Variants in RBMX2 observed in about 807,000 individuals in gnomAD.
RBMX2 encodes the protein RNA binding motif protein X-linked 2, also known as RNA-binding motif protein, X-linked 2.
For synonymous variants in RBMX2, 77 were observed against 94.3 expected (o/e 0.82, Z 1.07); for missense variants, 191 against 256.0 (o/e 0.75, Z 1.73).
At position 130,411,523 on chromosome X, in the gene RBMX2, A is replaced by G. The variant is rs1238511676; in HGVS notation, c.479A>G (p.Lys160Arg). ...EDEKPTKKHKKDKKEKKKKKK... is the reference protein window; with the variant it reads ...EDEKPTKKHKRDKKEKKKKKK... ...GAAAAACCAACAAAAAAGCACAAAAAAGGTAAAGCATTAAGACTTAAGAGA... is the reference window on the plus strand; with the variant it reads ...GAAAAACCAACAAAAAAGCACAAAAGAGGTAAAGCATTAAGACTTAAGAGA... The change falls in exon 5 of 6, where the codon AAA (lysine) becomes AGA (arginine). Residue 160 changes from lysine to arginine, a missense_variant and splice_region_variant. Physicochemically the swap from Lys to Arg is conservative, Grantham distance 26. Coordinates refer to ENST00000305536, the MANE Select transcript of RBMX2 (RefSeq NM_016024.4). 5 of 1,185,792 alleles carry G rather than the reference A, an allele frequency of 4.2e-6. No homozygotes were observed. In the African/African-American group the frequency reaches 5.4e-5, roughly 13 times the overall value.
intron 3 of RBMX2, among the ~76,000 whole-genome samples, chrX:130,409,010 ATCT>A (rs2034499185): frequency 2.7e-5 from 3 of 111,757 alleles, no homozygotes; most frequent in African/African-American, 6.5e-5. Context: ...GTGTAAAATA[ATCT>A]TCTTAGTCTC....
At chrX:130,410,679 G>A (rs773528907) in intron 4 of RBMX2, among the ~76,000 whole-genome samples, 6 of 112,213 alleles carry the variant, frequency 5.3e-5, no homozygotes, top group Non-Finnish European at 9.4e-5. Flanking sequence ...GAGCCACTGC[G>A]CCCGGCCAGA....
rs2034526545 is a variant in RBMX2 at position 130,413,642 on chromosome X, A to AC, written c.*794_*795insC. 2.7e-5 allele frequency among the ~76,000 whole-genome samples: 3 copies of AC among 109,239 alleles called. No individual in the cohort carries two copies. In the South Asian group the frequency reaches 1.2e-3, roughly 44 times the overall value. The allele number at this position is 109,239 out of a possible 115,157, so 94.9% of individuals were successfully genotyped here. The stretch of plus-strand genomic sequence containing the variant: ...TTGCCTATTCTGGATCTTTCATAAA[A>AC]ATGGAATTACACAATTGTGGCCTTT... On this transcript the variant is annotated 3_prime_UTR_variant, in exon 6 of 6. Coordinates refer to ENST00000305536, the MANE Select transcript of RBMX2 (RefSeq NM_016024.4).
intron 1 of RBMX2, 31 bp from the exon 2 acceptor site, chrX:130,402,224 T>TTGCCA: frequency 1.5e-5 from 18 of 1,174,160 alleles, no homozygotes; most frequent in South Asian, 1.9e-5. Flanking sequence ...CTTTTCTGCC[T>TTGCCA]ACCCTCCCCA....
chrX:130,406,136 TGAGCCACCGCGCCCGGCC>T lies in RBMX2; in HGVS notation c.173+2284_173+2301del, dbSNP rs1447546614. Among the ~76,000 whole-genome samples, 4 of 68,639 alleles carry T rather than the reference TGAGCCACCGCGCCCGGCC, an allele frequency of 5.8e-5. 1 individual carries two copies. The African/African-American group carries it at 6.2e-4, about 11-fold the overall frequency. The allele number at this position is 68,639 out of a possible 115,157, so 59.6% of individuals were successfully genotyped here. ...TCCCAAAGTGCTGGGATTACAGGTG[TGAGCCACCGCGCCCGGCC>T]TGCTTTGCCTTTATTTCATCATCAG... On this transcript the variant is annotated intron_variant, in intron 3 of 5. Transcript: ENST00000305536.
intron 5 of RBMX2, 48 bp downstream of exon 5, chrX:130,411,573 G>GCTCTT: frequency 9.7e-7 from 1 of 1,031,138 alleles, no homozygotes; most frequent in Non-Finnish European, 1.3e-6. Context: ...CTTAATGTCT[G>GCTCTT]CTCTTCCTTG....
chrX:130,407,233 C>T (rs2034490359), intron 3 of RBMX2, among the ~76,000 whole-genome samples: 1 of 109,925 alleles, frequency 9.1e-6, no homozygotes, highest in Admixed American at 9.7e-5. Flanking sequence ...TCACCCAGAT[C>T]CCCCAGCTGT....
intron 1 of RBMX2, 30 bp from the exon 2 acceptor site, chrX:130,402,225 A>ACCCCCCCCCCC: frequency 1.0e-6 from 1 of 984,788 alleles, no homozygotes; most frequent in Admixed American, 2.5e-5. Flanking sequence ...TTTTCTGCCT[A>ACCCCCCCCCCC]CCCTCCCCAC....
chrX:130,409,424 T>C (rs755847160), intron 4 of RBMX2, 38 bp downstream of exon 4: 2 of 1,179,995 alleles, frequency 1.7e-6, no homozygotes, highest in Admixed American at 2.3e-5. Context: ...TGGACTTTTT[T>C]CCCATGTATA....
At chrX:130,408,916 T>A (rs1376430847) in intron 3 of RBMX2, among the ~76,000 whole-genome samples, 4 of 112,720 alleles carry the variant, frequency 3.5e-5, no homozygotes, top group Non-Finnish European at 7.5e-5. Context: ...TCAAATAGCT[T>A]TTTTAATTAA....
intron 5 of RBMX2, among the ~76,000 whole-genome samples, chrX:130,412,037 C>T (rs2034514937): frequency 9.0e-6 from 1 of 110,923 alleles, no homozygotes; most frequent in Non-Finnish European, 1.9e-5. Flanking sequence ...ATTCTCCTGC[C>T]TCAGCCTTCT....
chrX:130,406,800 A>G (rs2034488132), intron 3 of RBMX2, among the ~76,000 whole-genome samples: 1 of 111,473 alleles, frequency 9.0e-6, no homozygotes, highest in African/African-American at 3.3e-5. Context: ...TTTATGTTTC[A>G]TATACACCTT....
intron 2 of RBMX2, among the ~76,000 whole-genome samples, chrX:130,403,569 C>T (rs1179490702): frequency 9.0e-6 from 1 of 110,975 alleles, no homozygotes; most frequent in East Asian, 2.8e-4. Context: ...GCCGGGGTTT[C>T]GCCATGTTGG....
chrX:130,412,327 T>G, intron 5 of RBMX2, 34 bp from the exon 6 acceptor site: 1 of 1,100,578 alleles, frequency 9.1e-7, no homozygotes, highest in East Asian at 3.1e-5. Context: ...TTTTTCCCTT[T>G]TCTTATTTAC....
Position 130,409,809 on chromosome X carries a change from A to G in RBMX2, c.303+423A>G, listed in dbSNP as rs546929260. Among the ~76,000 whole-genome samples the G allele has an allele frequency of 8.8e-4, 99 of 112,066 alleles. 1 individual carries two copies. The highest frequency in any genetic ancestry group is 3.1e-3 in the African/African-American group (94 of 30,815). ...TAGTACATAGCCATGTATGTCTGTCATATATCTCCAGTGACCTAGCATATT... is the reference window on the plus strand; with the variant it reads ...TAGTACATAGCCATGTATGTCTGTCGTATATCTCCAGTGACCTAGCATATT... On this transcript the variant is annotated intron_variant, in intron 4 of 5. Transcript: ENST00000305536.
At chrX:130,412,201 C>T (rs1455353395) in intron 5 of RBMX2, among the ~76,000 whole-genome samples, 160 bp from the exon 6 acceptor site, 2 of 108,367 alleles carry the variant, frequency 1.8e-5, no homozygotes, top group African/African-American at 6.8e-5. Context: ...GCTGGGATTA[C>T]AGGCGTGAGC....
At chrX:130,403,936 C>T in intron 3 of RBMX2, 83 bp downstream of exon 3, 1 of 951,314 alleles carries the variant, frequency 1.1e-6, no homozygotes, top group Non-Finnish European at 1.5e-6. Context: ...ACAAAAACCA[C>T]TTATTTTCAC....
In RBMX2 at chrX:130,409,401, T is replaced by C; in HGVS notation, c.303+15T>C. The C allele has an allele frequency of 8.4e-7, 1 of 1,194,822 alleles. No individual in the cohort carries two copies. The highest frequency in any genetic ancestry group is 1.1e-6 in the Non-Finnish European group (1 of 886,812). On this transcript the variant is annotated intron_variant, in intron 4 of 5. Coordinates refer to ENST00000305536, the MANE Select transcript of RBMX2 (RefSeq NM_016024.4). ...ATGGGATCAAGGTGAGTGTGCTTAT[T>C]AAGCAGGTTGGTTGGACTTTTTTCC...
intron 3 of RBMX2, among the ~76,000 whole-genome samples, chrX:130,404,663 C>T (rs1007750258): frequency 1.7e-4 from 19 of 112,911 alleles, no homozygotes; most frequent in Non-Finnish European, 1.7e-4. Flanking sequence ...AAGCGAACAC[C>T]GGTAGCATAC....
Sources: allele counts gnomAD v4.1 joint callset (sites outside exome capture counted in the v4.1 genomes callset), GRCh38; gene constraint gnomAD v4.1.1; transcripts MANE v1.5; gene names NCBI Gene and HGNC (gene_info 2026-07-23, HGNC 2026-07-21).